Variants in PREX1 observed in about 807,000 individuals in gnomAD.
PREX1 encodes phosphatidylinositol 3,4,5-trisphosphate-dependent Rac exchanger 1 protein.
A neutral mutation model predicts 198.3 loss-of-function variants in PREX1; 41 were observed. The ratio of observed to expected loss-of-function variants is 0.21; its 90% CI spans 0.16 to 0.27. The LOEUF is 0.27. Among genes scored for constraint, PREX1 ranks in the 10% least tolerant of loss-of-function variants. PREX1 has a pLI of 1.00. For missense variants in PREX1, 1,620 were observed against 2,200.7 expected (o/e 0.74, Z 5.28); for synonymous variants, 843 against 887.2 (o/e 0.95, Z 0.89).
chr20:48,661,444 A>AAATAT (rs1555832820), intron 15 of PREX1, among the ~76,000 whole-genome samples: 5 of 49,600 alleles, frequency 1.0e-4, no homozygotes, highest in Admixed American at 2.4e-4. Context: ...AAAAAAAAAA[A>AAATAT]ATATATATAT....
chr20:48,763,021 G>A (rs1215281422), intron 1 of PREX1, among the ~76,000 whole-genome samples: 1 of 152,166 alleles, frequency 6.6e-6, no homozygotes, highest in Non-Finnish European at 1.5e-5. Context: ...GTTTCTTTCT[G>A]AAGTGATGAA....
chr20:48,763,457 T>C (rs1344154725), intron 1 of PREX1, among the ~76,000 whole-genome samples: 1 of 152,148 alleles, frequency 6.6e-6, no homozygotes, highest in African/African-American at 2.4e-5. Context: ...CTGGGGTCCT[T>C]GTGCCTGTCT....
At chr20:48,697,947 A>C (rs1169461967) in intron 7 of PREX1, among the ~76,000 whole-genome samples, 4 of 152,212 alleles carry the variant, frequency 2.6e-5, no homozygotes, top group Non-Finnish European at 5.9e-5. Flanking sequence ...AGGCAAGGAC[A>C]AACACAGTCA....
chr20:48,654,107 C>G (rs186881636), intron 19 of PREX1, among the ~76,000 whole-genome samples: 6 of 152,352 alleles, frequency 3.9e-5, no homozygotes, highest in Admixed American at 6.5e-5. Flanking sequence ...TGGCTTCAAA[C>G]CCTGGCTCTG....
intron 1 of PREX1, among the ~76,000 whole-genome samples, chr20:48,774,518 G>C (rs1257336990): frequency 6.6e-6 from 1 of 152,228 alleles, no homozygotes; most frequent in Non-Finnish European, 1.5e-5. Flanking sequence ...CCCTTTTCTT[G>C]TTGCATGGCC....
Position 48,708,278 on chromosome 20 carries a change from G to C in PREX1, c.765C>G (p.Ser255=). The C allele has an allele frequency of 6.2e-7, 1 of 1,613,956 alleles. No homozygotes were observed. The highest frequency in any genetic ancestry group is 8.5e-7 in the Non-Finnish European group (1 of 1,180,004). ...EKLEALEQLQ[S]HIEGWEGSNL... ...TACACACCTCCCAGCCTTCGATGTG[G>C]GACTGCAGCTGCTCCAGGGCTTCCA... is the stretch of plus-strand genomic sequence containing the variant. The change falls in exon 6 of 40, where the codon TCC becomes TCG. Residue 255 remains serine (S), a synonymous_variant. Transcript: ENST00000371941.
Position 48,676,173 on chromosome 20 carries a change from A to G in PREX1, c.1665+20T>C, listed in dbSNP as rs1601067749. The G allele has an allele frequency of 6.2e-7, 1 of 1,608,484 alleles. No homozygotes were observed. Among genetic ancestry groups the G allele is most frequent in the African/African-American group, 1.3e-5 (1 of 74,784 alleles). On this transcript the variant is annotated intron_variant, in intron 14 of 39. Coordinates refer to ENST00000371941, the MANE Select transcript of PREX1 (RefSeq NM_020820.4). ...GGACAAAGCAGAACACTGGTCACAC[A>G]CCCCTGAGGAGGCCCTCACCTGAGC...
Position 48,656,947 on chromosome 20 carries a change from C to T in PREX1, c.2123+93G>A, listed in dbSNP as rs751866547. 6.3e-6 allele frequency: 9 copies of T among 1,418,768 alleles called. No individual in the cohort carries two copies. The Admixed American group carries it at 7.3e-5, about 11-fold the overall frequency. 87.9% of individuals were successfully genotyped at this position (1,418,768 alleles called of 1,614,324 possible). Reference sequence around the variant, plus strand: ...TGACTCCAACAATGGGTCCCAGCCACGGGGGACCAGGACAGTTCATGCCAC... The same window carrying T: ...TGACTCCAACAATGGGTCCCAGCCATGGGGGACCAGGACAGTTCATGCCAC... On this transcript the variant is annotated intron_variant, in intron 18 of 39. Transcript: ENST00000371941.
At chr20:48,640,189 TTCCTTTCG>T (rs2089398794) in intron 29 of PREX1, among the ~76,000 whole-genome samples, 1 of 152,180 alleles carries the variant, frequency 6.6e-6, no homozygotes, top group Non-Finnish European at 1.5e-5. Context: ...AATCACGGCT[TTCCTTTCG>T]TCTAAGCCTG....
At chr20:48,887,820 G>A in the PREX1 span, among the ~76,000 whole-genome samples, 12 of 151,498 alleles carry the variant, frequency 7.9e-5, no homozygotes, top group African/African-American at 2.9e-4. Flanking sequence ...CGTGGTGGCG[G>A]GCTCCTGTAG....
intron 1 of PREX1, among the ~76,000 whole-genome samples, chr20:48,789,760 T>A (rs2090329431): frequency 6.6e-6 from 1 of 152,200 alleles, no homozygotes; most frequent in South Asian, 2.1e-4. Context: ...TTGAATATTA[T>A]ACAAATCATA....
Position 48,655,389 on chromosome 20 carries a change from A to G in PREX1, c.2124-14T>C. 2 of 1,519,392 alleles carry G rather than the reference A, an allele frequency of 1.3e-6. No homozygotes were observed. The highest frequency in any genetic ancestry group is 2.5e-5 in the South Asian group (2 of 80,160). The allele number at this position is 1,519,392 out of a possible 1,614,324, so 94.1% of individuals were successfully genotyped here. A position where few individuals can be genotyped will look rare whatever the true frequency, so the allele number is the denominator to read the frequency against. On this transcript the variant is annotated splice_polypyrimidine_tract_variant and intron_variant, in intron 18 of 39. Transcript: ENST00000371941. ...ATTTTGATGATCCTGCACCAGGTAG[A>G]AGAGGCAGGGAAAAAGGCCATGAGG...
intron 1 of PREX1, among the ~76,000 whole-genome samples, chr20:48,755,237 G>T (rs995172838): frequency 3.3e-5 from 5 of 152,130 alleles, no homozygotes; most frequent in Non-Finnish European, 1.5e-5. Flanking sequence ...CTCACTGTTG[G>T]TTAAATAAAT....
chr20:48,676,245 G>A lies in PREX1; in HGVS notation c.1613C>T (p.Thr538Ile). ...GCTCCCGGGAAGCACTGACTTGTAG[G>A]TCTTCAGGTGGTAATCACGGTCTCT... ...VIKDRDYHLK[T>I]YKSVLPGSKL... Residue 538 changes from threonine to isoleucine, a missense_variant, in exon 14 of 40, where the codon ACC becomes ATC. By Grantham distance (89) the Thr-to-Ile change is moderately conservative. This residue lies in a region of PREX1 where 488 missense variants were observed against 802.5 expected (regional missense o/e 0.61). Transcript: ENST00000371941. The A allele has an allele frequency of 6.2e-7, 1 of 1,614,034 alleles. No individual in the cohort carries two copies. Among genetic ancestry groups the A allele is most frequent in the Non-Finnish European group, 8.5e-7 (1 of 1,179,962 alleles).
At chr20:48,747,033 G>A (rs1320951642) in intron 2 of PREX1, among the ~76,000 whole-genome samples, 1 of 145,480 alleles carries the variant, frequency 6.9e-6, no homozygotes, top group Non-Finnish European at 1.5e-5. Context: ...GAGGAGCCAT[G>A]CAGAGACCTT....
At chr20:48,679,476 T>C (rs2904167) in intron 12 of PREX1, 67 bp from the exon 13 acceptor site, 179,670 of 1,528,618 alleles carry the variant, frequency 0.12, 11,306 homozygotes, top group South Asian at 0.13. Flanking sequence ...AAATCCAGGC[T>C]GATGGGAGAG....
the PREX1 span, among the ~76,000 whole-genome samples, chr20:48,857,948 C>T: frequency 6.6e-6 from 1 of 152,112 alleles, no homozygotes; most frequent in Non-Finnish European, 1.5e-5. Context: ...GGCCCTGTGG[C>T]GGGGGCAAGC....
intron 1 of PREX1, among the ~76,000 whole-genome samples, chr20:48,820,102 A>C (rs2090478013): frequency 6.6e-6 from 1 of 152,226 alleles, no homozygotes; most frequent in Non-Finnish European, 1.5e-5. Flanking sequence ...CTGGGGAAGG[A>C]ATCAGGCGGG....
chr20:48,839,572 A>G, the PREX1 span, among the ~76,000 whole-genome samples: 1 of 152,154 alleles, frequency 6.6e-6, no homozygotes, highest in African/African-American at 2.4e-5. Flanking sequence ...TGCTCTTTGT[A>G]GATACAACTC....
Sources: allele counts gnomAD v4.1 joint callset (sites outside exome capture counted in the v4.1 genomes callset), GRCh38; gene constraint gnomAD v4.1.1; regional missense constraint gnomAD v4.1.1; transcripts MANE v1.5; gene names NCBI Gene and HGNC (gene_info 2026-07-23, HGNC 2026-07-21).